The following DAB2IP variants were observed in gnomAD, a reference collection of about 807,000 sequenced individuals.
DAB2IP encodes disabled homolog 2-interacting protein.
DAB2IP carries 28 observed loss-of-function variants against 107.2 expected under a neutral mutation model. The observed-to-expected ratio is 0.26, with a 90% CI of 0.19 to 0.36. The LOEUF (loss-of-function observed/expected upper bound fraction) is 0.36. DAB2IP is among the 10% of genes least tolerant of loss of function. The pLI is 1.00. For synonymous variants in DAB2IP, 755 were observed against 706.4 expected, an observed-to-expected ratio of 1.07 and a Z score of -1.09; for missense variants, 1,400 against 1,644.7, an observed-to-expected ratio of 0.85 and a Z score of 2.57.
chr9:121,626,417 G>A (rs914060514), intron 1 of DAB2IP, among the ~76,000 whole-genome samples: 12 of 132,250 alleles, frequency 9.1e-5, no homozygotes, highest in African/African-American at 3.3e-4. Flanking sequence ...AACTTCAGAC[G>A]AGAAACCTTT....
rs2119022447 is a variant in DAB2IP at position 121,634,627 on chromosome 9, A to C, written c.41-44051A>C. Among the ~76,000 whole-genome samples the C allele has an allele frequency of 6.6e-6, 1 of 152,268 alleles. No individual in the cohort carries two copies. Among genetic ancestry groups the C allele is most frequent in the South Asian group, 2.1e-4 (1 of 4,818 alleles). On this transcript the variant is annotated intron_variant, in intron 1 of 16. Transcript: ENST00000259371. This position sits in a 1 kb window ranked among gnomAD's most constrained non-coding sequence, Gnocchi z 4.7. Reference sequence around the variant, plus strand: ...GTGGAGTTCACTGTCAGCGCCAAAGAGGAAGTGGGGAGGCCCTCGTGGGAG... The same window carrying C: ...GTGGAGTTCACTGTCAGCGCCAAAGCGGAAGTGGGGAGGCCCTCGTGGGAG...
chr9:121,641,935 TTC>T (rs1161161801), intron 1 of DAB2IP, among the ~76,000 whole-genome samples: 13 of 113,634 alleles, frequency 1.1e-4, no homozygotes, highest in South Asian at 2.9e-4. Context: ...CTTTCTTTCT[TTC>T]TCTCTTTCTT....
chr9:121,567,221 C>T (rs1829825187), exon 1 of DAB2IP: 1 of 1,614,036 alleles, frequency 6.2e-7, no homozygotes, highest in African/African-American at 1.3e-5. Context: ...ACCAAGACGA[C>T]TCCTACGGTA....
At chr9:121,712,810 T>C (rs965285203) in intron 3 of DAB2IP, among the ~76,000 whole-genome samples, 1 of 152,216 alleles carries the variant, frequency 6.6e-6, no homozygotes, top group Non-Finnish European at 1.5e-5. Context: ...AATTCCACAG[T>C]CCAAACAGGT....
At chr9:121,637,337 G>A (rs1345422322) in intron 1 of DAB2IP, among the ~76,000 whole-genome samples, 1 of 152,232 alleles carries the variant, frequency 6.6e-6, no homozygotes, top group Non-Finnish European at 1.5e-5. Flanking sequence ...CCCGTGGAGT[G>A]GGCAGGGCTG....
intron 3 of DAB2IP, among the ~76,000 whole-genome samples, chr9:121,756,469 C>T (rs1387817599): frequency 6.6e-6 from 1 of 152,228 alleles, no homozygotes; most frequent in Non-Finnish European, 1.5e-5. Flanking sequence ...TCGCTGTCCT[C>T]ATCTGTAAGA....
intron 1 of DAB2IP, among the ~76,000 whole-genome samples, chr9:121,670,822 G>C (rs973614529): frequency 6.6e-6 from 1 of 152,004 alleles, no homozygotes; most frequent in Non-Finnish European, 1.5e-5. Context: ...TTCAGGACCA[G>C]CCTAGCCAAA....
intron 3 of DAB2IP, chr9:121,737,758 G>A: frequency 1.0e-6 from 1 of 985,458 alleles, no homozygotes; most frequent in Non-Finnish European, 1.2e-6. Context: ...ACACCACAAG[G>A]AAACTTCCTC....
chr9:121,679,188 C>T (rs904718664), intron 2 of DAB2IP, among the ~76,000 whole-genome samples: 1 of 151,996 alleles, frequency 6.6e-6, no homozygotes, highest in East Asian at 1.9e-4. Context: ...TCATGGCATA[C>T]CATAATTTAA....
intron 1 of DAB2IP, among the ~76,000 whole-genome samples, chr9:121,608,783 G>C (rs1451149558): frequency 1.3e-5 from 2 of 152,204 alleles, no homozygotes; most frequent in Non-Finnish European, 2.9e-5. Flanking sequence ...TAAACCCTCA[G>C]AAGACACCTG....
At chr9:121,681,439 C>T (rs900078282) in intron 2 of DAB2IP, among the ~76,000 whole-genome samples, 2 of 152,186 alleles carry the variant, frequency 1.3e-5, no homozygotes, top group Non-Finnish European at 2.9e-5. Flanking sequence ...AAACCACCTT[C>T]AGTCAGAGCC....
At chr9:121,704,996 G>C (rs1441777755) in intron 3 of DAB2IP, among the ~76,000 whole-genome samples, 7 of 152,220 alleles carry the variant, frequency 4.6e-5, no homozygotes, top group Non-Finnish European at 1.0e-4. Flanking sequence ...ACATGATTCT[G>C]AGTCTCATCT....
In DAB2IP at chr9:121,635,460, T is replaced by C. The variant is rs1832053012; in HGVS notation, c.41-43218T>C. On this transcript the variant is annotated intron_variant, in intron 1 of 16. Coordinates refer to the DAB2IP transcript ENST00000259371. This position sits in a 1 kb window ranked among gnomAD's most constrained non-coding sequence, Gnocchi z 4.3. ...GAACTCTGGTCTCTCTGGCCATAGG[T>C]TCAGGGCCACCTCCTGTGGACCTAC... 6.6e-6 allele frequency among the ~76,000 whole-genome samples: 1 copy of C among 152,190 alleles called. No homozygotes were observed. Among genetic ancestry groups the C allele is most frequent in the Non-Finnish European group, 1.5e-5 (1 of 68,016 alleles).
chr9:121,658,473 G>T (rs1018078063), intron 1 of DAB2IP, among the ~76,000 whole-genome samples: 3 of 152,204 alleles, frequency 2.0e-5, no homozygotes, highest in Admixed American at 2.0e-4. Flanking sequence ...TCGCGTGCCC[G>T]CTCTAGGAGT....
exon 9 of DAB2IP, chr9:121,766,553 G>A (rs368453566): frequency 2.2e-5 from 35 of 1,612,860 alleles, no homozygotes; most frequent in South Asian, 5.5e-5. Flanking sequence ...TGCAGCAGTC[G>A]CGGCCGCCCG....
chr9:121,746,370 G>A (rs1382882561), intron 3 of DAB2IP, among the ~76,000 whole-genome samples: 1 of 152,192 alleles, frequency 6.6e-6, no homozygotes, highest in Non-Finnish European at 1.5e-5. Context: ...AGGCACACAG[G>A]TTAATTAATT....
In DAB2IP at chr9:121,590,009, C is replaced by T. The variant is rs538651498; in HGVS notation, c.40+22781C>T. On this transcript the variant is annotated intron_variant, in intron 1 of 16. Coordinates refer to the DAB2IP transcript ENST00000259371. ...CCTTCCTGGGGTATGAGAGAAACTG[C>T]GGAGGTGGAATCAAAGCATCTGAGA... Among the ~76,000 whole-genome samples, 60 of 139,408 alleles carry T rather than the reference C, an allele frequency of 4.3e-4. 1 individual carries two copies. The South Asian group carries it at 0.011, about 26-fold the overall frequency. 91.5% of individuals were successfully genotyped at this position (139,408 alleles called of 152,430 possible). A position where few individuals can be genotyped will look rare whatever the true frequency, so the allele number is the denominator to read the frequency against.
intron 2 of DAB2IP, among the ~76,000 whole-genome samples, chr9:121,681,817 T>C (rs960106683): frequency 6.6e-6 from 1 of 152,198 alleles, no homozygotes; most frequent in Non-Finnish European, 1.5e-5. Context: ...AGATCTTCCA[T>C]GACCCATGTG....
chr9:121,652,526 T>C (rs1177202342), intron 1 of DAB2IP, among the ~76,000 whole-genome samples: 2 of 151,670 alleles, frequency 1.3e-5, no homozygotes, highest in African/African-American at 4.9e-5. Flanking sequence ...GGGCGGGTGG[T>C]GGCCGGGACT....
Sources: allele counts gnomAD v4.1 joint callset (sites outside exome capture counted in the v4.1 genomes callset), GRCh38; gene constraint gnomAD v4.1.1; non-coding constraint Gnocchi (gnomAD v3.1); transcripts MANE v1.5; gene names NCBI Gene and HGNC (gene_info 2026-07-23, HGNC 2026-07-21).